Variants in FRMPD4 observed in about 807,000 individuals in gnomAD.
FRMPD4 encodes FERM and PDZ domain containing 4.
A neutral mutation model predicts 94.1 loss-of-function variants in FRMPD4; 22 were observed. That is an observed-to-expected ratio of 0.23 (90% confidence interval 0.17 to 0.33). The LOEUF (loss-of-function observed/expected upper bound fraction) is 0.33. Ranked by LOEUF, FRMPD4 falls within the 10% of genes least tolerant of loss-of-function variation. The pLI is 1.00. For synonymous variants in FRMPD4, 631 were observed against 548.6 expected (o/e 1.15, Z -2.10); for missense variants, 1,111 against 1,339.9 (o/e 0.83, Z 2.67).
rs1199947141 is a variant in FRMPD4 at position 12,224,419 on chromosome X, T to A, written c.41+85407T>A. On this transcript the variant is annotated intron_variant, in intron 1 of 16. Coordinates refer to ENST00000675598, the MANE Select transcript of FRMPD4 (RefSeq NM_001368397.1). ...CGCACGCCACCACACCCAGCTAATTTTTGTGTTTTTTGTAGAGATGGAGTT... is the reference window on the plus strand; with the variant it reads ...CGCACGCCACCACACCCAGCTAATTATTGTGTTTTTTGTAGAGATGGAGTT... 2.7e-5 allele frequency among the ~76,000 whole-genome samples: 3 copies of A among 109,944 alleles called. No homozygotes were observed. The Admixed American group carries it at 2.9e-4, about 11-fold the overall frequency.
At chrX:12,105,606 A>G (rs2055290366) in intron 3 of FRMPD4, among the ~76,000 whole-genome samples, 1 of 112,716 alleles carries the variant, frequency 8.9e-6, no homozygotes, top group South Asian at 3.7e-4. Flanking sequence ...TAAACATCAA[A>G]TGCATGTTGA....
chrX:12,601,999 C>A (rs2059088487), intron 2 of FRMPD4, among the ~76,000 whole-genome samples: 1 of 111,399 alleles, frequency 9.0e-6, no homozygotes, highest in South Asian at 3.8e-4. Flanking sequence ...ATACATCACC[C>A]CTAAGGCAAG....
intron 3 of FRMPD4, among the ~76,000 whole-genome samples, chrX:12,090,799 C>T (rs186495594): frequency 8.9e-6 from 1 of 112,439 alleles, no homozygotes; most frequent in Admixed American, 9.4e-5. Context: ...GATTTTTGAT[C>T]GGATACTTTA....
At chrX:12,662,255 GGTTT>G (rs1398581548) in intron 4 of FRMPD4, among the ~76,000 whole-genome samples, 1 of 110,167 alleles carries the variant, frequency 9.1e-6, no homozygotes, top group Non-Finnish European at 1.9e-5. Context: ...AGAATGTGCA[GGTTT>G]GTTACATAGG....
chrX:12,388,074 A>G (rs1292558496), intron 1 of FRMPD4, among the ~76,000 whole-genome samples: 3 of 111,446 alleles, frequency 2.7e-5, no homozygotes, highest in African/African-American at 9.8e-5. Context: ...AGAAGTCAGA[A>G]TAATGAAAAC....
chrX:12,359,734 C>T (rs1476797530), intron 1 of FRMPD4, among the ~76,000 whole-genome samples: 3 of 112,047 alleles, frequency 2.7e-5, no homozygotes, highest in Admixed American at 9.4e-5. Flanking sequence ...TCCCAAAGTG[C>T]TGGGATTACA....
At chrX:12,402,252 C>A (rs955017571) in intron 1 of FRMPD4, among the ~76,000 whole-genome samples, 3 of 111,047 alleles carry the variant, frequency 2.7e-5, no homozygotes, top group Non-Finnish European at 3.8e-5. Flanking sequence ...CTGCGCCACC[C>A]CCCCCACAAA....
At chrX:11,971,382 T>A (rs1467398711) in intron 3 of FRMPD4, among the ~76,000 whole-genome samples, 1 of 112,967 alleles carries the variant, frequency 8.9e-6, no homozygotes, top group African/African-American at 3.2e-5. Flanking sequence ...TGTAATTTTA[T>A]TATTTATGTG....
At chrX:12,385,507 C>CAGTT (rs1289347021) in intron 1 of FRMPD4, among the ~76,000 whole-genome samples, 2 of 112,245 alleles carry the variant, frequency 1.8e-5, no homozygotes, top group African/African-American at 6.5e-5. Context: ...GTCAGTCCTT[C>CAGTT]AGTTACTCTG....
chrX:12,638,701 C>T (rs772552873), intron 4 of FRMPD4, among the ~76,000 whole-genome samples: 23 of 106,517 alleles, frequency 2.2e-4, no homozygotes, highest in Non-Finnish European at 4.1e-4. Context: ...GTAATAACCT[C>T]TTAGCTCTCT....
At chrX:12,633,957 T>C (rs973776684) in intron 4 of FRMPD4, among the ~76,000 whole-genome samples, 17 of 112,729 alleles carry the variant, frequency 1.5e-4, no homozygotes, top group African/African-American at 5.5e-4. Flanking sequence ...TTCTATGTGG[T>C]ACATATGTTA....
chrX:11,947,072 T>G (rs2054193178), intron 3 of FRMPD4, among the ~76,000 whole-genome samples: 1 of 111,449 alleles, frequency 9.0e-6, no homozygotes. Flanking sequence ...ACTAATACAC[T>G]CTTACAGCCT....
intron 3 of FRMPD4, among the ~76,000 whole-genome samples, chrX:12,121,093 T>C (rs1339856259): frequency 9.2e-6 from 1 of 109,025 alleles, no homozygotes; most frequent in Non-Finnish European, 1.9e-5. Context: ...ACTAATAATT[T>C]ATTTTATAAT....
intron 4 of FRMPD4, among the ~76,000 whole-genome samples, chrX:12,621,265 G>A (rs976991890): frequency 2.0e-4 from 22 of 109,390 alleles, no homozygotes; most frequent in Non-Finnish European, 3.8e-4. Context: ...CAAAAAAAAC[G>A]ACTGAAAGAG....
chrX:12,474,690 C>T (rs1461746541), intron 1 of FRMPD4, among the ~76,000 whole-genome samples: 5 of 111,833 alleles, frequency 4.5e-5, no homozygotes, highest in African/African-American at 1.6e-4. Context: ...CACCTCTATG[C>T]AAATAAACTA....
At chrX:12,421,465 G>T (rs1438834552) in intron 1 of FRMPD4, among the ~76,000 whole-genome samples, 2 of 111,196 alleles carry the variant, frequency 1.8e-5, no homozygotes, top group East Asian at 5.6e-4. Context: ...TCATAAAAAG[G>T]CTTAATTTAA....
At chrX:12,688,982 G>A (rs2060055852) in intron 7 of FRMPD4, among the ~76,000 whole-genome samples, 1 of 110,551 alleles carries the variant, frequency 9.0e-6, no homozygotes, top group South Asian at 4.0e-4. Context: ...ATTCTTTACT[G>A]TGGGGCTGTC....
chrX:12,299,749 T>G (rs1268343277), intron 1 of FRMPD4, among the ~76,000 whole-genome samples: 1 of 111,725 alleles, frequency 9.0e-6, no homozygotes, highest in Non-Finnish European at 1.9e-5. Context: ...TCTGGGAACT[T>G]TTAGTTTTGT....
At chrX:12,538,256 T>C (rs1322132734) in intron 2 of FRMPD4, among the ~76,000 whole-genome samples, 1 of 111,093 alleles carries the variant, frequency 9.0e-6, no homozygotes, top group African/African-American at 3.3e-5. Flanking sequence ...GAGATTGAAC[T>C]GAAAGGCAGC....
Sources: allele counts gnomAD v4.1 joint callset (sites outside exome capture counted in the v4.1 genomes callset), GRCh38; gene constraint gnomAD v4.1.1; transcripts MANE v1.5; gene names NCBI Gene and HGNC (gene_info 2026-07-23, HGNC 2026-07-21).